Variants in GSTO2 observed in about 807,000 individuals in gnomAD.
The protein encoded by GSTO2 is glutathione S-transferase omega 2, also known as glutathione S-transferase omega-2.
In GSTO2, 23 loss-of-function variants were observed where a neutral mutation model predicts 28.4. That is an observed-to-expected ratio of 0.81 (90% CI 0.58 to 1.15). The LOEUF is 1.15. GSTO2 is among the 50% of genes most tolerant of loss of function. GSTO2 has a pLI of 0.00. For synonymous variants in GSTO2, 109 were observed against 111.0 expected (o/e 0.98, Z 0.11); for missense variants, 298 against 297.8 (o/e 1.00, Z 0.00).
chr10:104,285,557 C>G (rs536953666), intron 5 of GSTO2, among the ~76,000 whole-genome samples: 1 of 152,304 alleles, frequency 6.6e-6, no homozygotes, highest in South Asian at 2.1e-4. Flanking sequence ...TCAAGTGATT[C>G]TCTCACCTCA....
At chr10:104,294,477 G>A (rs765699342) in intron 5 of GSTO2, among the ~76,000 whole-genome samples, 7 of 152,224 alleles carry the variant, frequency 4.6e-5, no homozygotes, top group Non-Finnish European at 7.3e-5. Context: ...GTAAAGGAGT[G>A]AGCACTTTGT....
rs1365559901 is a variant in GSTO2, at chr10:104,303,902, G to C, written c.*4618G>C. On this transcript the variant is annotated 3_prime_UTR_variant, in exon 7 of 7. Coordinates refer to ENST00000338595, the MANE Select transcript of GSTO2 (RefSeq NM_183239.2). ...GCATGTGGCTCCCACATTGTTTCTTGGAGCTTTGGTGGTGGTAGGGGTGGC... is the reference window on the plus strand; with the variant it reads ...GCATGTGGCTCCCACATTGTTTCTTCGAGCTTTGGTGGTGGTAGGGGTGGC... 3 of 152,266 alleles carry C rather than the reference G, an allele frequency of 2.0e-5. No homozygotes were observed. Among genetic ancestry groups the C allele is most frequent in the African/African-American group, 7.2e-5 (3 of 41,460 alleles). The allele number at this position is 152,266 out of a possible 1,614,324, so 9.4% of individuals were successfully genotyped here.
chr10:104,278,854 T>C (rs530850606), intron 4 of GSTO2, among the ~76,000 whole-genome samples: 61 of 152,150 alleles, frequency 4.0e-4, no homozygotes, highest in Non-Finnish European at 7.9e-4. Flanking sequence ...GTGGCAGCTT[T>C]GATAATGAAA....
intron 4 of GSTO2, among the ~76,000 whole-genome samples, chr10:104,278,413 A>C (rs2011779703): frequency 6.6e-6 from 1 of 152,256 alleles, no homozygotes; most frequent in Admixed American, 6.5e-5. Context: ...TGATCCTTAA[A>C]GGGAGTATTT....
chr10:104,289,755 A>G (rs988862272), intron 5 of GSTO2, among the ~76,000 whole-genome samples: 3 of 152,190 alleles, frequency 2.0e-5, no homozygotes, highest in Non-Finnish European at 2.9e-5. Context: ...AGCTCAAAAC[A>G]TTTCTGCCCT....
At chr10:104,287,920 C>G (rs545054070) in intron 5 of GSTO2, among the ~76,000 whole-genome samples, 1 of 143,430 alleles carries the variant, frequency 7.0e-6, no homozygotes, top group East Asian at 2.0e-4. Context: ...CGGAGTCTCG[C>G]TCTGTCGCCC....
chr10:104,273,781 A>G (rs2011512830), intron 1 of GSTO2, among the ~76,000 whole-genome samples: 1 of 152,122 alleles, frequency 6.6e-6, no homozygotes, highest in Non-Finnish European at 1.5e-5. Flanking sequence ...AAATAATTTC[A>G]TTTTTCTGAA....
At chr10:104,270,626 A>G (rs1020080114) in intron 1 of GSTO2, among the ~76,000 whole-genome samples, 12 of 152,208 alleles carry the variant, frequency 7.9e-5, no homozygotes, top group Admixed American at 3.9e-4. Flanking sequence ...TTTCCTGAAT[A>G]TAAGCACATT....
Position 104,304,323 on chromosome 10 carries a change from T to A in GSTO2, c.*5039T>A, listed in dbSNP as rs546227145. 6.6e-6 allele frequency: 1 copy of A among 152,354 alleles called. No individual in the cohort carries two copies. Among genetic ancestry groups the A allele is most frequent in the Non-Finnish European group, 1.5e-5 (1 of 68,038 alleles). The allele number at this position is 152,354 out of a possible 1,614,324, so 9.4% of individuals were successfully genotyped here. A position where few individuals can be genotyped will look rare whatever the true frequency, so the allele number is the denominator to read the frequency against. ...GAGCCTTTGAAAATGCCATTTCCTC[T>A]ACATACTATTCTTCCTCAGAGCAGC... is the stretch of plus-strand genomic sequence containing the variant. On this transcript the variant is annotated 3_prime_UTR_variant, in exon 7 of 7. Coordinates refer to ENST00000338595, the MANE Select transcript of GSTO2 (RefSeq NM_183239.2).
chr10:104,294,048 G>T (rs1330118707), intron 5 of GSTO2, among the ~76,000 whole-genome samples: 1 of 152,104 alleles, frequency 6.6e-6, no homozygotes, highest in African/African-American at 2.4e-5. Flanking sequence ...CCCTTTGGCT[G>T]CCAGGAAACT....
In GSTO2 at chr10:104,287,727, G is replaced by A. The variant is rs552131028; in HGVS notation, c.468+8256G>A. On this transcript the variant is annotated intron_variant, in intron 5 of 6. Transcript: ENST00000338595. ...CCTAGTAATGTCTCACACTGGGAAGGGGGCTGATTAGAATTAGGGTGGGTA... is the reference window on the plus strand; with the variant it reads ...CCTAGTAATGTCTCACACTGGGAAGAGGGCTGATTAGAATTAGGGTGGGTA... 1.3e-4 allele frequency among the ~76,000 whole-genome samples: 19 copies of A among 151,966 alleles called. 1 individual carries two copies. The South Asian group carries it at 4.0e-3, about 32-fold the overall frequency.
chr10:104,283,231 C>T (rs1390273918), intron 5 of GSTO2, among the ~76,000 whole-genome samples: 2 of 152,178 alleles, frequency 1.3e-5, no homozygotes, highest in African/African-American at 2.4e-5. Flanking sequence ...TAACCAGCCT[C>T]GGTGTAGGTA....
chr10:104,297,727 C>T (rs538686797), intron 6 of GSTO2, 43 bp downstream of exon 6: 4 of 1,342,628 alleles, frequency 3.0e-6, no homozygotes, highest in Non-Finnish European at 4.3e-6. Context: ...CGGAGTCACA[C>T]TGAGTAACAA....
At position 104,300,696 on chromosome 10, in the gene GSTO2, A is replaced by T. The variant is rs909550342; in HGVS notation, c.*1412A>T. ...CTCAGTGTCTGAGGATCAGCCTGTG[A>T]TCATTTCAGCTTTGCTCATGCTGGA... On this transcript the variant is annotated 3_prime_UTR_variant, in exon 7 of 7. Coordinates refer to ENST00000338595, the MANE Select transcript of GSTO2 (RefSeq NM_183239.2). 1 of 152,220 alleles carries T rather than the reference A, an allele frequency of 6.6e-6. No individual in the cohort carries two copies. Among genetic ancestry groups the T allele is most frequent in the Admixed American group, 6.5e-5 (1 of 15,276 alleles). 9.4% of individuals were successfully genotyped at this position (152,220 alleles called of 1,614,324 possible). A position where few individuals can be genotyped will look rare whatever the true frequency, so the allele number is the denominator to read the frequency against.
intron 6 of GSTO2, among the ~76,000 whole-genome samples, chr10:104,297,958 A>G (rs1410554199): frequency 5.9e-5 from 9 of 152,070 alleles, no homozygotes; most frequent in Non-Finnish European, 8.8e-5. Flanking sequence ...GCGCCCCCAC[A>G]TGGCCGGTCT....
At position 104,299,675 on chromosome 10, in the gene GSTO2, A is replaced by T. The variant is rs1396403133; in HGVS notation, c.*391A>T. 1.8e-5 allele frequency: 4 copies of T among 226,386 alleles called. No homozygotes were observed. In the Admixed American group the frequency reaches 2.5e-4, roughly 14 times the overall value. 14.0% of individuals were successfully genotyped at this position (226,386 alleles called of 1,614,324 possible). A position where few individuals can be genotyped will look rare whatever the true frequency, so the allele number is the denominator to read the frequency against. On this transcript the variant is annotated 3_prime_UTR_variant, in exon 7 of 7. Transcript: ENST00000338595. ...AAAAATGTTGTTGAGACAGGGTCTC[A>T]CTATGTTGCTCAGGCTGGTCTCCAT...
chr10:104,293,772 C>T (rs538880115), intron 5 of GSTO2, among the ~76,000 whole-genome samples: 30 of 151,876 alleles, frequency 2.0e-4, no homozygotes, highest in African/African-American at 6.8e-4. Flanking sequence ...GGGGTTTCAC[C>T]GTGTTTCTCA....
At chr10:104,281,944 A>G (rs954497986) in intron 5 of GSTO2, among the ~76,000 whole-genome samples, 9 of 152,090 alleles carry the variant, frequency 5.9e-5, no homozygotes, top group Admixed American at 5.2e-4. Context: ...GCAAACAATA[A>G]TCAGTGAGGG....
At chr10:104,272,165 C>G (rs2011436024) in intron 1 of GSTO2, among the ~76,000 whole-genome samples, 1 of 152,062 alleles carries the variant, frequency 6.6e-6, no homozygotes, top group Non-Finnish European at 1.5e-5. Flanking sequence ...TGCGGGGGCA[C>G]AGGGTATATG....
Sources: allele counts gnomAD v4.1 joint callset (sites outside exome capture counted in the v4.1 genomes callset), GRCh38; gene constraint gnomAD v4.1.1; transcripts MANE v1.5; gene names NCBI Gene and HGNC (gene_info 2026-07-23, HGNC 2026-07-21).